DEFB121: variants seen among roughly 807,000 people sequenced by gnomAD.
DEFB121 encodes defensin beta 121.
A neutral mutation model predicts 2.5 loss-of-function variants in DEFB121; 5 were observed. That is an observed-to-expected ratio of 1.96 (90% CI 1.03 to 4.13). The LOEUF (loss-of-function observed/expected upper bound fraction) is 4.13, where lower values mean the gene tolerates loss of function less well. Ranked by LOEUF, DEFB121 falls within the 30% of genes most tolerant of loss-of-function variation. The pLI is 0.00. For synonymous variants in DEFB121, 39 were observed against 32.6 expected (o/e 1.20, Z -0.67); for missense variants, 87 against 85.0 (o/e 1.02, Z -0.09).
upstream of DEFB121, among the ~76,000 whole-genome samples, chr20:31,416,594 C>T (rs772061035): frequency 2.0e-5 from 3 of 152,326 alleles, no homozygotes; most frequent in South Asian, 6.2e-4. Context: ...ACCCTCTAAA[C>T]AACCCTTGCC....
upstream of DEFB121, among the ~76,000 whole-genome samples, chr20:31,408,577 A>G (rs950588746): frequency 4.6e-5 from 7 of 152,136 alleles, no homozygotes; most frequent in African/African-American, 1.7e-4. Context: ...TATCACAACT[A>G]CTCAACTCTA....
At chr20:31,409,723 GACA>G (rs1221848050), upstream of DEFB121, among the ~76,000 whole-genome samples, 1 of 152,160 alleles carries the variant, frequency 6.6e-6, no homozygotes, top group Non-Finnish European at 1.5e-5. Context: ...CTCCAGCCTG[GACA>G]ACAAGAGCGA....
upstream of DEFB121, among the ~76,000 whole-genome samples, chr20:31,415,732 T>C (rs1453788079): frequency 2.6e-5 from 4 of 152,022 alleles, no homozygotes; most frequent in Admixed American, 2.6e-4. Flanking sequence ...TGGAGGACCT[T>C]CTCCTTCTCC....
At chr20:31,415,757 A>G (rs1216274225), upstream of DEFB121, among the ~76,000 whole-genome samples, 1 of 151,986 alleles carries the variant, frequency 6.6e-6, no homozygotes, top group African/African-American at 2.4e-5. Context: ...CTTGAAGGAG[A>G]ATAGGTTTCA....
upstream of DEFB121, among the ~76,000 whole-genome samples, chr20:31,407,960 T>C (rs1382450730): frequency 6.6e-6 from 1 of 152,098 alleles, no homozygotes; most frequent in Non-Finnish European, 1.5e-5. Flanking sequence ...GTATTTTTGG[T>C]AGAGACGAGG....
chr20:31,418,281 A>AG, the DEFB121 span, among the ~76,000 whole-genome samples: 6 of 148,792 alleles, frequency 4.0e-5, no homozygotes, highest in African/African-American at 1.5e-4. Flanking sequence ...AAAAAAAAAA[A>AG]AGAAAAAAGG....
rs749555054 is a variant in DEFB121 at position 31,405,096 on chromosome 20, A to G, written c.59-11T>C. On this transcript the variant is annotated splice_polypyrimidine_tract_variant and intron_variant, in intron 1 of 1. Coordinates refer to ENST00000376314, the MANE Select transcript of DEFB121 (RefSeq NM_001011878.3). ...CCCAACATTTCATGACTGAAAACAA[A>G]AGGGAAGAAGAGAATAGAGTCAGTT... The G allele has an allele frequency of 1.9e-6, 3 of 1,591,548 alleles. No individual in the cohort carries two copies. The highest frequency in any genetic ancestry group is 2.6e-6 in the Non-Finnish European group (3 of 1,172,956).
At chr20:31,412,586 A>C (rs1363695113) in intron 1 of DEFB121, 5 of 1,287,104 alleles carry the variant, frequency 3.9e-6, no homozygotes, top group African/African-American at 1.5e-5. Context: ...AGCCTCTGAC[A>C]ACTGGTAGTT....
At chr20:31,408,322 C>A (rs965725680), upstream of DEFB121, among the ~76,000 whole-genome samples, 1 of 152,014 alleles carries the variant, frequency 6.6e-6, no homozygotes, top group Non-Finnish European at 1.5e-5. Flanking sequence ...CATGGTGGGG[C>A]AAAGCTGTAG....
upstream of DEFB121, among the ~76,000 whole-genome samples, chr20:31,413,727 C>T (rs1978727333): frequency 6.6e-6 from 1 of 152,126 alleles, no homozygotes; most frequent in Non-Finnish European, 1.5e-5. Context: ...TGACATGGCT[C>T]CATCCAACCA....
chr20:31,408,557 C>T (rs994569980), upstream of DEFB121, among the ~76,000 whole-genome samples: 3 of 152,172 alleles, frequency 2.0e-5, no homozygotes, highest in African/African-American at 7.2e-5. Context: ...TAGGATTTGC[C>T]AGCCACAACT....
upstream of DEFB121, chr20:31,406,346 G>A: frequency 8.2e-7 from 1 of 1,219,150 alleles, no homozygotes. Context: ...CACTGCCTGA[G>A]GAGGCTGGGA....
chr20:31,416,723 C>T (rs938870377), upstream of DEFB121, among the ~76,000 whole-genome samples: 2 of 152,236 alleles, frequency 1.3e-5, no homozygotes, highest in East Asian at 1.9e-4. Flanking sequence ...ATTTACCTTT[C>T]TGTAACATCT....
chr20:31,405,168 A>G, intron 1 of DEFB121, 83 bp from the exon 2 acceptor site: 6 of 1,384,808 alleles, frequency 4.3e-6, no homozygotes, highest in Non-Finnish European at 5.9e-6. Flanking sequence ...AAAGCCCAGT[A>G]GAGGAGTAGG....
chr20:31,418,056 C>A, the DEFB121 span, among the ~76,000 whole-genome samples: 1 of 149,528 alleles, frequency 6.7e-6, no homozygotes, highest in Non-Finnish European at 1.5e-5. Flanking sequence ...GTCAGGAGAT[C>A]GAGACCATCC....
At chr20:31,412,690 T>C (rs1286112237) in exon 1 of DEFB121, 5 of 1,290,572 alleles carry the variant, frequency 3.9e-6, no homozygotes, top group South Asian at 2.5e-5. Context: ...GGCTTTTCAT[T>C]GTCAACACAG....
upstream of DEFB121, among the ~76,000 whole-genome samples, chr20:31,408,482 T>C (rs146140368): frequency 9.1e-4 from 137 of 151,168 alleles, 2 homozygotes; most frequent in East Asian, 0.023. Context: ...AATTTTCTTG[T>C]TGTCTGAAGA....
At chr20:31,412,951 C>T (rs1978704923), upstream of DEFB121, 1 of 230,072 alleles carries the variant, frequency 4.3e-6, no homozygotes, top group Non-Finnish European at 8.7e-6. Context: ...ATCCCTTTTC[C>T]CAGCTCTCCT....
chr20:31,411,762 C>T (rs1373452033), intron 1 of DEFB121, among the ~76,000 whole-genome samples: 1 of 152,140 alleles, frequency 6.6e-6, no homozygotes, highest in Non-Finnish European at 1.5e-5. Context: ...GCCTGGAGTC[C>T]ACATATTAAA....
Sources: gnomAD v4.1 joint callset for allele counts (sites outside exome capture counted in the v4.1 genomes callset) on GRCh38, gnomAD v4.1.1 for gene constraint, MANE v1.5 for transcripts, NCBI Gene and HGNC (gene_info 2026-07-23, HGNC 2026-07-21) for gene names.